Variants in ZKSCAN7 observed in about 807,000 individuals in gnomAD.
ZKSCAN7 encodes the protein zinc finger protein with KRAB and SCAN domains 7.
A neutral mutation model predicts 65.3 loss-of-function variants in ZKSCAN7; 38 were observed. The observed-to-expected ratio is 0.58, with a 90% CI of 0.45 to 0.76. The LOEUF is 0.76. Ranked by LOEUF, ZKSCAN7 falls within the 30% of genes least tolerant of loss-of-function variation. ZKSCAN7 has a pLI of 0.00. For missense variants in ZKSCAN7, 815 were observed against 913.3 expected (o/e 0.89, Z 1.39); for synonymous variants, 321 against 321.0 (o/e 1.00, Z 0.00).
At chr3:44,567,122 A>G (rs561858903) in intron 3 of ZKSCAN7, among the ~76,000 whole-genome samples, 197 of 140,466 alleles carry the variant, frequency 1.4e-3, no homozygotes, top group African/African-American at 5.2e-3. Context: ...AAAAAGAGAG[A>G]GAGAGAGAGA....
chr3:44,575,284 G>GA (rs1181747016), downstream of ZKSCAN7, among the ~76,000 whole-genome samples: 3 of 152,182 alleles, frequency 2.0e-5, no homozygotes, highest in Admixed American at 6.5e-5. Flanking sequence ...CAATGAGTGA[G>GA]ACCCTGTCTT....
At chr3:44,575,980 C>G (rs1699915260), downstream of ZKSCAN7, among the ~76,000 whole-genome samples, 2 of 152,036 alleles carry the variant, frequency 1.3e-5, no homozygotes, top group Non-Finnish European at 2.9e-5. Context: ...TTTTATTACT[C>G]TGGAACAGTA....
intron 5 of ZKSCAN7, among the ~76,000 whole-genome samples, chr3:44,581,350 AG>A (rs1700083899): frequency 6.6e-6 from 1 of 151,350 alleles, no homozygotes; most frequent in Admixed American, 6.6e-5. Flanking sequence ...GCGCCGCCAC[AG>A]CTGCCCTCAG....
chr3:44,556,992 A>C lies in ZKSCAN7; in HGVS notation c.-56A>C. ...ACAGTTCCTGAGACCTGAACTATTG[A>C]CCATCATTTTAATCGGACCAACTGC... On this transcript the variant is annotated 5_prime_UTR_variant, in exon 2 of 6. Transcript: ENST00000426540. The C allele has an allele frequency of 2.5e-6, 4 of 1,609,120 alleles. No individual in the cohort carries two copies. The South Asian group carries it at 4.4e-5, about 18-fold the overall frequency.
chr3:44,577,908 A>G (rs529776385), intron 5 of ZKSCAN7, among the ~76,000 whole-genome samples: 1 of 152,276 alleles, frequency 6.6e-6, no homozygotes, highest in African/African-American at 2.4e-5. Flanking sequence ...CTCAACTTGG[A>G]TGGGACACAC....
rs141825924 is a variant in ZKSCAN7 at position 44,557,924 on chromosome 3, T to C, written c.423+454T>C. 1.4e-3 allele frequency among the ~76,000 whole-genome samples: 210 copies of C among 152,334 alleles called. 1 individual carries two copies. In the East Asian group the frequency reaches 0.037, roughly 27 times the overall value. ...CATTTTTGGGCCTTGTAATTATTTG[T>C]TCCTTTTGCTAGCTCTCCAAACCTA... On this transcript the variant is annotated intron_variant, in intron 2 of 5. Coordinates refer to ENST00000426540, the MANE Select transcript of ZKSCAN7 (RefSeq NM_001288590.2).
rs1242600332 is a variant in ZKSCAN7 at position 44,571,702 on chromosome 3, CTCTAT to C, written c.*337_*341del. On this transcript the variant is annotated 3_prime_UTR_variant, in exon 6 of 6. Transcript: ENST00000426540. ...TTTTTAAAGACAGAGATAATATCTT[CTCTAT>C]TCTATTCTACTTCCTCCATTTCACC... The C allele has an allele frequency of 9.6e-6, 11 of 1,148,480 alleles. No individual in the cohort carries two copies. Among genetic ancestry groups the C allele is most frequent in the Non-Finnish European group, 1.1e-5 (10 of 930,046 alleles). The allele number at this position is 1,148,480 out of a possible 1,614,324, so 71.1% of individuals were successfully genotyped here.
chr3:44,558,261 A>G (rs1484755819), intron 2 of ZKSCAN7, among the ~76,000 whole-genome samples: 2 of 152,062 alleles, frequency 1.3e-5, no homozygotes, highest in African/African-American at 4.8e-5. Context: ...ATGGTAGCTC[A>G]TGCCTGTAAT....
At chr3:44,574,637 A>G (rs557445604), downstream of ZKSCAN7, among the ~76,000 whole-genome samples, 2 of 152,326 alleles carry the variant, frequency 1.3e-5, no homozygotes, top group African/African-American at 2.4e-5. Context: ...GTGGTTAACA[A>G]CACAGGTTTG....
intron 5 of ZKSCAN7, among the ~76,000 whole-genome samples, chr3:44,578,697 G>T (rs578143896): frequency 6.6e-6 from 1 of 152,218 alleles, no homozygotes; most frequent in East Asian, 1.9e-4. Context: ...ATCTCCTCCC[G>T]GTGGGCGTTC....
chr3:44,581,323 G>A (rs962781114), intron 5 of ZKSCAN7, among the ~76,000 whole-genome samples: 21 of 150,958 alleles, frequency 1.4e-4, no homozygotes, highest in African/African-American at 4.8e-4. Context: ...TCCGGTCGCC[G>A]CCGTCCCGGC....
chr3:44,563,214 G>A (rs1699533245), intron 2 of ZKSCAN7, among the ~76,000 whole-genome samples: 2 of 152,248 alleles, frequency 1.3e-5, no homozygotes, highest in South Asian at 2.1e-4. Flanking sequence ...TTCAACAAGT[G>A]TCTAGGAAGT....
At chr3:44,578,397 G>A in intron 5 of ZKSCAN7, 1 of 1,613,936 alleles carries the variant, frequency 6.2e-7, no homozygotes, top group Non-Finnish European at 8.5e-7. Context: ...TCCCCAGTCA[G>A]CAGCGTCCGC....
intron 5 of ZKSCAN7, among the ~76,000 whole-genome samples, chr3:44,578,891 C>T (rs1356434023): frequency 6.6e-5 from 10 of 152,254 alleles, no homozygotes; most frequent in South Asian, 2.1e-4. Flanking sequence ...GTAGCCCTCA[C>T]GGGCGCTCTG....
chr3:44,569,293 C>T (rs954149614), intron 5 of ZKSCAN7, among the ~76,000 whole-genome samples: 11 of 152,220 alleles, frequency 7.2e-5, no homozygotes, highest in Non-Finnish European at 1.5e-4. Flanking sequence ...TCTGCAAACA[C>T]TGGGGCAGAA....
chr3:44,576,490 C>G (rs563659918), downstream of ZKSCAN7, among the ~76,000 whole-genome samples: 2 of 152,140 alleles, frequency 1.3e-5, no homozygotes, highest in South Asian at 4.2e-4. Context: ...TCTTGTTTCT[C>G]TTTTTGAATT....
chr3:44,559,727 T>A (rs576248869), intron 2 of ZKSCAN7, among the ~76,000 whole-genome samples: 2 of 152,340 alleles, frequency 1.3e-5, no homozygotes, highest in South Asian at 4.1e-4. Context: ...ACGCTCAGCC[T>A]ATTCAATGCT....
chr3:44,567,848 A>G (rs192330529), intron 3 of ZKSCAN7, 64 bp from the exon 4 acceptor site: 297 of 614,078 alleles, frequency 4.8e-4, no homozygotes, highest in Non-Finnish European at 2.1e-5. Flanking sequence ...CTTATTGGGA[A>G]TATAGATCTT....
Position 44,571,633 on chromosome 3 carries a change from C to G in ZKSCAN7, c.*258C>G, listed in dbSNP as rs1699812954. 7.6e-7 allele frequency: 1 copy of G among 1,318,436 alleles called. No homozygotes were observed. The highest frequency in any genetic ancestry group is 9.7e-7 in the Non-Finnish European group (1 of 1,035,156). 81.7% of individuals were successfully genotyped at this position (1,318,436 alleles called of 1,614,324 possible). On this transcript the variant is annotated 3_prime_UTR_variant, in exon 6 of 6. Transcript: ENST00000426540. Reference sequence around the variant, plus strand: ...ACTTTTAAATTTTAACTTTTAAAATCTATTTCATTTCTTAGTTATGCATCT... The same window carrying G: ...ACTTTTAAATTTTAACTTTTAAAATGTATTTCATTTCTTAGTTATGCATCT...
Sources: gnomAD v4.1 joint callset for allele counts (sites outside exome capture counted in the v4.1 genomes callset) on GRCh38, gnomAD v4.1.1 for gene constraint, MANE v1.5 for transcripts, NCBI Gene and HGNC (gene_info 2026-07-23, HGNC 2026-07-21) for gene names.